The following SDK1 variants were observed in gnomAD, a reference collection of about 807,000 sequenced individuals.
The protein encoded by SDK1 is sidekick cell adhesion molecule 1, also known as protein sidekick-1.
In SDK1, 157 loss-of-function variants were observed where a neutral mutation model predicts 245.5. The observed-to-expected ratio is 0.64, with a 90% CI of 0.56 to 0.73. The LOEUF (loss-of-function observed/expected upper bound fraction) is 0.73. Ranked by LOEUF, SDK1 falls within the 30% of genes least tolerant of loss-of-function variation. SDK1 has a pLI of 0.00. For synonymous variants in SDK1, 1,647 were observed against 1,278.5 expected, an observed-to-expected ratio of 1.29 and a Z score of -6.15; for missense variants, 3,583 against 3,002.3, an observed-to-expected ratio of 1.19 and a Z score of -4.52.
chr7:3,894,733 C>T (rs895491353), intron 5 of SDK1, among the ~76,000 whole-genome samples: 18 of 145,920 alleles, frequency 1.2e-4, no homozygotes, highest in African/African-American at 4.3e-4. Flanking sequence ...GAGTCTCACT[C>T]TGTCCCCCCG....
intron 1 of SDK1, among the ~76,000 whole-genome samples, chr7:3,336,693 C>T (rs1008022390): frequency 2.0e-5 from 3 of 152,158 alleles, no homozygotes; most frequent in Non-Finnish European, 2.9e-5. Flanking sequence ...TGGCTTAGCC[C>T]TTGGCTTTCC....
intron 4 of SDK1, among the ~76,000 whole-genome samples, chr7:3,665,326 T>G (rs146823887): frequency 2.1e-3 from 317 of 152,318 alleles, no homozygotes; most frequent in African/African-American, 7.1e-3. Flanking sequence ...TTGAGCAGAT[T>G]CTGCAGGTTG....
intron 1 of SDK1, among the ~76,000 whole-genome samples, chr7:3,554,555 A>G (rs1779521903): frequency 6.6e-6 from 1 of 152,202 alleles, no homozygotes; most frequent in African/African-American, 2.4e-5. Flanking sequence ...CCATAGGATC[A>G]CCAAATTACC....
At chr7:3,434,933 G>A (rs925303733) in intron 1 of SDK1, among the ~76,000 whole-genome samples, 8 of 152,138 alleles carry the variant, frequency 5.3e-5, no homozygotes, top group Non-Finnish European at 7.4e-5. Flanking sequence ...TCTCACAGGT[G>A]AGTTTTCTAG....
At chr7:4,063,345 T>C (rs943879242) in intron 19 of SDK1, among the ~76,000 whole-genome samples, 1 of 152,070 alleles carries the variant, frequency 6.6e-6, no homozygotes, top group Non-Finnish European at 1.5e-5. Flanking sequence ...TTGATTCCAT[T>C]TACAATAGCT....
chr7:3,823,676 T>C (rs910117884), intron 5 of SDK1, among the ~76,000 whole-genome samples: 1 of 152,358 alleles, frequency 6.6e-6, no homozygotes, highest in East Asian at 1.9e-4. Context: ...TGTTCCTTTG[T>C]ATGTATTTTT....
At chr7:3,475,991 ATTATC>A (rs1377615316) in intron 1 of SDK1, 2 of 152,626 alleles carry the variant, frequency 1.3e-5, no homozygotes, top group Non-Finnish European at 2.9e-5. Context: ...CTTCCTGCTT[ATTATC>A]TTTTGGTAAT....
chr7:3,467,708 T>A (rs1371678296), intron 1 of SDK1, among the ~76,000 whole-genome samples: 1 of 152,168 alleles, frequency 6.6e-6, no homozygotes, highest in African/African-American at 2.4e-5. Flanking sequence ...TTCCATAGTT[T>A]CTTTGTATTA....
At chr7:3,529,205 T>G (rs1413557387) in intron 1 of SDK1, among the ~76,000 whole-genome samples, 1 of 152,122 alleles carries the variant, frequency 6.6e-6, no homozygotes, top group South Asian at 2.1e-4. Context: ...GGTGATAATA[T>G]AGAGACACAC....
chr7:4,012,074 C>T (rs1444005397), intron 15 of SDK1, 21 bp from the exon 16 acceptor site: 2 of 1,483,954 alleles, frequency 1.3e-6, no homozygotes, highest in Admixed American at 4.9e-5. Flanking sequence ...TCTCTTGTTC[C>T]TACCCGTCTT....
chr7:4,139,147 C>T (rs529806680), intron 28 of SDK1, among the ~76,000 whole-genome samples: 13 of 152,096 alleles, frequency 8.5e-5, no homozygotes, highest in African/African-American at 2.9e-4. Flanking sequence ...GATGCACACA[C>T]GTTCATCAGC....
At chr7:3,574,105 A>G (rs1301222919) in intron 1 of SDK1, among the ~76,000 whole-genome samples, 1 of 150,944 alleles carries the variant, frequency 6.6e-6, no homozygotes, top group Admixed American at 6.6e-5. Flanking sequence ...GACTAGACAT[A>G]TACCTGATTT....
intron 1 of SDK1, among the ~76,000 whole-genome samples, chr7:3,369,991 A>G (rs1454831701): frequency 6.6e-6 from 1 of 152,228 alleles, no homozygotes. Flanking sequence ...GCAAAGGAAA[A>G]GGACTTCTAA....
chr7:4,025,399 G>A (rs888711393), intron 17 of SDK1, among the ~76,000 whole-genome samples: 3 of 152,216 alleles, frequency 2.0e-5, no homozygotes, highest in Admixed American at 2.0e-4. Context: ...GGCACATAGC[G>A]GAGGACTGGG....
At chr7:3,582,123 G>C (rs1057071155) in intron 1 of SDK1, among the ~76,000 whole-genome samples, 59 of 141,410 alleles carry the variant, frequency 4.2e-4, no homozygotes, top group African/African-American at 1.3e-3. Flanking sequence ...AGGTAGGCCT[G>C]TCTCAGGTAG....
chr7:4,102,262 G>T (rs1009115829), intron 22 of SDK1, among the ~76,000 whole-genome samples: 5 of 152,104 alleles, frequency 3.3e-5, no homozygotes, highest in African/African-American at 1.2e-4. Flanking sequence ...CCTCTGCAGG[G>T]GCCCTCCAGC....
chr7:3,573,681 T>C (rs975985802), intron 1 of SDK1, among the ~76,000 whole-genome samples: 1 of 151,986 alleles, frequency 6.6e-6, no homozygotes, highest in Non-Finnish European at 1.5e-5. Context: ...TACTCCTGAT[T>C]AGCTCAGGGC....
At chr7:3,437,170 C>G (rs768859180) in intron 1 of SDK1, among the ~76,000 whole-genome samples, 6 of 152,102 alleles carry the variant, frequency 3.9e-5, no homozygotes, top group African/African-American at 1.4e-4. Flanking sequence ...TGTTCAGTAC[C>G]CTTCAGGGGT....
In SDK1 at chr7:4,268,640, A is replaced by G. The variant is rs1168948857; in HGVS notation, c.*3256A>G. The stretch of plus-strand genomic sequence containing the variant: ...GCATGATGTTTGCCTAATGGTTCGT[A>G]GCATGGTTTTTATTTCTTACGCATT... On this transcript the variant is annotated 3_prime_UTR_variant, in exon 45 of 45. Transcript: ENST00000404826. 2.2e-6 allele frequency: 3 copies of G among 1,367,612 alleles called. No individual in the cohort carries two copies. The highest frequency in any genetic ancestry group is 2.9e-6 in the Non-Finnish European group (3 of 1,021,938). 84.7% of individuals were successfully genotyped at this position (1,367,612 alleles called of 1,614,324 possible).
Sources: gnomAD v4.1 joint callset for allele counts (sites outside exome capture counted in the v4.1 genomes callset) on GRCh38, gnomAD v4.1.1 for gene constraint, MANE v1.5 for transcripts, NCBI Gene and HGNC (gene_info 2026-07-23, HGNC 2026-07-21) for gene names.